Variants in ZNF438 observed in about 807,000 individuals in gnomAD.
The protein encoded by ZNF438 is zinc finger protein 438.
A neutral mutation model predicts 38.0 loss-of-function variants in ZNF438; 25 were observed. The ratio of observed to expected loss-of-function variants is 0.66; its 90% CI spans 0.48 to 0.92. The LOEUF is 0.92. ZNF438 is among the 40% of genes least tolerant of loss of function. The pLI is 0.00. For synonymous variants in ZNF438, 372 were observed against 364.1 expected (o/e 1.02, Z -0.25); for missense variants, 1,007 against 999.6 (o/e 1.01, Z -0.10).
At chr10:30,995,290 C>A (rs2053932703) in intron 1 of ZNF438, among the ~76,000 whole-genome samples, 1 of 152,090 alleles carries the variant, frequency 6.6e-6, no homozygotes, top group African/African-American at 2.4e-5. Context: ...AAAGCAGCCC[C>A]CAATACGATT....
chr10:30,912,540 T>C, intron 2 of ZNF438, among the ~76,000 whole-genome samples: 1 of 152,134 alleles, frequency 6.6e-6, no homozygotes, highest in East Asian at 1.9e-4. Context: ...TCTGTACTTT[T>C]AATCTCTAGT....
At chr10:30,951,634 G>A (rs1054881815) in intron 1 of ZNF438, among the ~76,000 whole-genome samples, 27 of 152,262 alleles carry the variant, frequency 1.8e-4, no homozygotes, top group African/African-American at 6.0e-4. Flanking sequence ...AATCATGAGT[G>A]AACGCCCATT....
intron 1 of ZNF438, among the ~76,000 whole-genome samples, chr10:31,009,937 C>T (rs188340999): frequency 1.5e-4 from 23 of 151,356 alleles, no homozygotes; most frequent in Admixed American, 1.3e-3. Flanking sequence ...CAACCTCCAC[C>T]TCCCAAGTTC....
At chr10:31,019,284 C>T (rs1375907333) in intron 1 of ZNF438, among the ~76,000 whole-genome samples, 1 of 152,222 alleles carries the variant, frequency 6.6e-6, no homozygotes, top group Non-Finnish European at 1.5e-5. Context: ...TTCATTGCCT[C>T]TCTAACCTCA....
At chr10:30,855,521 G>A (rs1358632217) in intron 4 of ZNF438, among the ~76,000 whole-genome samples, 3 of 152,136 alleles carry the variant, frequency 2.0e-5, no homozygotes, top group African/African-American at 7.2e-5. Context: ...CCATGAAGGT[G>A]GTGTTGAATC....
chr10:30,854,205 A>G (rs1345309313), intron 4 of ZNF438, among the ~76,000 whole-genome samples: 1 of 152,156 alleles, frequency 6.6e-6, no homozygotes, highest in African/African-American at 2.4e-5. Flanking sequence ...CTGTAGTCCC[A>G]GCTACTCGGG....
At chr10:30,996,648 C>T (rs536874739) in intron 1 of ZNF438, among the ~76,000 whole-genome samples, 50 of 151,640 alleles carry the variant, frequency 3.3e-4, no homozygotes, top group Non-Finnish European at 7.2e-4. Context: ...GATAAAACCA[C>T]CAGGAAGAAA....
At chr10:30,881,384 T>C (rs940564450) in intron 3 of ZNF438, among the ~76,000 whole-genome samples, 4 of 152,126 alleles carry the variant, frequency 2.6e-5, no homozygotes, top group Non-Finnish European at 5.9e-5. Flanking sequence ...ACACCATTTA[T>C]AACAGCATAA....
At chr10:30,997,677 G>A (rs2054193056) in intron 1 of ZNF438, among the ~76,000 whole-genome samples, 2 of 151,768 alleles carry the variant, frequency 1.3e-5, no homozygotes, top group African/African-American at 4.8e-5. Context: ...GACTGGCTTA[G>A]AAACGGGTAT....
chr10:30,918,617 C>T (rs945144855), intron 2 of ZNF438, among the ~76,000 whole-genome samples: 1 of 151,954 alleles, frequency 6.6e-6, no homozygotes, highest in Non-Finnish European at 1.5e-5. Context: ...ACATGAAAAT[C>T]GTGAGAAAGT....
intron 1 of ZNF438, among the ~76,000 whole-genome samples, chr10:31,024,922 C>T (rs1256057345): frequency 6.6e-6 from 1 of 152,028 alleles, no homozygotes; most frequent in Admixed American, 6.6e-5. Context: ...TATATAAAGT[C>T]CAGATTAAAT....
chr10:31,002,480 C>G (rs2054754517), intron 1 of ZNF438, among the ~76,000 whole-genome samples: 1 of 152,114 alleles, frequency 6.6e-6, no homozygotes, highest in Non-Finnish European at 1.5e-5. Context: ...TGAGTTTTCC[C>G]TCTAATACTG....
At chr10:30,849,868 T>C in exon 5 of ZNF438, 1 of 1,614,106 alleles carries the variant, frequency 6.2e-7, no homozygotes. Flanking sequence ...CTAGTGATGG[T>C]ACTTCCTCAA....
chr10:30,950,236 C>T (rs1297789875), intron 1 of ZNF438, among the ~76,000 whole-genome samples: 10 of 151,856 alleles, frequency 6.6e-5, no homozygotes, highest in East Asian at 5.8e-4. Flanking sequence ...ATCTCTGGGA[C>T]GCATTCAAAG....
At chr10:30,930,813 A>AAAAAAAAAAAAAAAAC in intron 2 of ZNF438, among the ~76,000 whole-genome samples, 1 of 75,820 alleles carries the variant, frequency 1.3e-5, no homozygotes, top group Non-Finnish European at 2.7e-5. Context: ...CAAAAAAAAA[A>AAAAAAAAAAAAAAAAC]AAAAAAAAAA....
intron 1 of ZNF438, among the ~76,000 whole-genome samples, chr10:30,954,202 A>C (rs2048603364): frequency 6.6e-6 from 1 of 152,302 alleles, no homozygotes; most frequent in Non-Finnish European, 1.5e-5. Flanking sequence ...TTTCTAGGCG[A>C]AAGGTTGAAA....
intron 3 of ZNF438, among the ~76,000 whole-genome samples, chr10:30,908,100 A>C (rs1442405960): frequency 6.6e-6 from 1 of 152,124 alleles, no homozygotes; most frequent in Non-Finnish European, 1.5e-5. Flanking sequence ...ATTATTTAGA[A>C]GTATATTATT....
chr10:31,013,108 A>T (rs141645209), intron 1 of ZNF438, among the ~76,000 whole-genome samples: 3,535 of 152,116 alleles, frequency 0.023, 122 homozygotes, highest in African/African-American at 0.08. Context: ...TCACGAGGTC[A>T]GGAGATCGAG....
At chr10:31,002,240 G>A (rs1218025261) in intron 1 of ZNF438, among the ~76,000 whole-genome samples, 6 of 152,098 alleles carry the variant, frequency 3.9e-5, no homozygotes, top group Non-Finnish European at 5.9e-5. Context: ...TACCAGTGAC[G>A]GTAAACATAA....
Sources: gnomAD v4.1 joint callset for allele counts (sites outside exome capture counted in the v4.1 genomes callset) on GRCh38, gnomAD v4.1.1 for gene constraint, MANE v1.5 for transcripts, NCBI Gene and HGNC (gene_info 2026-07-23, HGNC 2026-07-21) for gene names.